The following DUSP5 variants were observed in gnomAD, a reference collection of about 807,000 sequenced individuals.
The protein encoded by DUSP5 is dual specificity protein phosphatase 5.
DUSP5 carries 22 observed loss-of-function variants against 33.6 expected under a neutral mutation model. The observed-to-expected ratio is 0.66, with a 90% CI of 0.47 to 0.94. The LOEUF (loss-of-function observed/expected upper bound fraction) is 0.94. DUSP5 is among the 40% of genes least tolerant of loss of function. The pLI, the probability that DUSP5 is intolerant of heterozygous loss-of-function variation, is 0.00. For synonymous variants in DUSP5, 270 were observed against 231.1 expected (o/e 1.17, Z -1.53); for missense variants, 551 against 522.1 (o/e 1.06, Z -0.54).
In DUSP5 at chr10:110,502,706, T is replaced by G; in HGVS notation, c.380-15T>G. The G allele has an allele frequency of 6.2e-7, 1 of 1,611,394 alleles. No individual in the cohort carries two copies. Among genetic ancestry groups the G allele is most frequent in the South Asian group, 1.1e-5 (1 of 90,860 alleles). Reference sequence around the variant, plus strand: ...ATGCTTACCATCTGTCTCACCTTTTTGTTTGTTTTTGTAGGGGGATATGAG... The same window carrying G: ...ATGCTTACCATCTGTCTCACCTTTTGGTTTGTTTTTGTAGGGGGATATGAG... On this transcript the variant is annotated splice_polypyrimidine_tract_variant and intron_variant, in intron 1 of 3. Transcript: ENST00000369583.
chr10:110,502,809 C>T lies in DUSP5; in HGVS notation c.468C>T (p.Ala156=), dbSNP rs201430285. The T allele has an allele frequency of 1.2e-6, 2 of 1,614,080 alleles. No individual in the cohort carries two copies. The highest frequency in any genetic ancestry group is 3.3e-5 in the Admixed American group (2 of 59,998). Residue 156 remains alanine, a synonymous_variant, in exon 2 of 4, where the codon GCC becomes GCT. Coordinates refer to ENST00000369583, the MANE Select transcript of DUSP5 (RefSeq NM_004419.4). ...AAGAGAAGATTGAGAGTGAGAGAGC[C>T]CTCATCAGCCAGTGTGGAAAACCAG... The part of the protein sequence containing the change: ...ISQEKIESER[A]LISQCGKPVV...
intron 1 of DUSP5, among the ~76,000 whole-genome samples, chr10:110,499,502 G>C (rs1860012249): frequency 6.7e-6 from 1 of 150,294 alleles, no homozygotes; most frequent in East Asian, 2.0e-4. Context: ...CGGACACCTT[G>C]GGATGTAACA....
chr10:110,502,723 G>T lies in DUSP5; in HGVS notation c.382G>T (p.Gly128Ter). The change falls in exon 2 of 4, where the codon GGA becomes TGA. Residue 128 changes from glycine to a stop codon, truncating the protein, a stop_gained and splice_region_variant. Coordinates refer to ENST00000369583, the MANE Select transcript of DUSP5 (RefSeq NM_004419.4). LOFTEE classifies it high-confidence loss of function. ...CACCTTTTTGTTTGTTTTTGTAGGG[G>T]GATATGAGACTTTCTACTCGGAATA... ...AGPRVYFLKG[G>*]YETFYSEYPE... 1.2e-6 allele frequency: 2 copies of T among 1,613,116 alleles called. No homozygotes were observed. Among genetic ancestry groups the T allele is most frequent in the Non-Finnish European group, 1.7e-6 (2 of 1,179,448 alleles).
chr10:110,504,645 C>T lies in DUSP5; in HGVS notation c.528+1776C>T, dbSNP rs118131452. On this transcript the variant is annotated intron_variant, in intron 2 of 3. Coordinates refer to ENST00000369583, the MANE Select transcript of DUSP5 (RefSeq NM_004419.4). The stretch of plus-strand genomic sequence containing the variant: ...CTTTCCAAAGAACTTTGTACCACCT[C>T]TGCTGTTTTCCTGGTTTCTAGCTGG... Among the ~76,000 whole-genome samples the T allele has an allele frequency of 4.5e-4, 68 of 152,324 alleles. No homozygotes were observed. In the East Asian group the frequency reaches 0.013, roughly 28 times the overall value.
chr10:110,509,712 A>T (rs944699677), intron 3 of DUSP5, among the ~76,000 whole-genome samples: 2 of 152,382 alleles, frequency 1.3e-5, no homozygotes, highest in African/African-American at 4.8e-5. Context: ...CTCCAGGTCC[A>T]TCGCCTCCAG....
Position 110,502,720 on chromosome 10 carries a change from GGGGGATA to G in DUSP5, c.380_386del (p.Gly127ValfsTer15). 6.2e-7 allele frequency: 1 copy of G among 1,612,234 alleles called. No homozygotes were observed. The highest frequency in any genetic ancestry group is 8.5e-7 in the Non-Finnish European group (1 of 1,178,972). ...TCTCACCTTTTTGTTTGTTTTTGTA[GGGGGATA>G]TGAGACTTTCTACTCGGAATATCCT... On this transcript the variant is annotated frameshift_variant and splice_region_variant, in exon 2 of 4. Transcript: ENST00000369583. LOFTEE classifies it high-confidence loss of function.
chr10:110,498,962 T>A (rs530344828), intron 1 of DUSP5, among the ~76,000 whole-genome samples: 3 of 152,278 alleles, frequency 2.0e-5, no homozygotes, highest in African/African-American at 7.2e-5. Context: ...CCAGCTGTGG[T>A]CTTCACCGAC....
chr10:110,501,024 C>T (rs192085850), intron 1 of DUSP5, among the ~76,000 whole-genome samples: 3 of 152,334 alleles, frequency 2.0e-5, no homozygotes, highest in Non-Finnish European at 4.4e-5. Flanking sequence ...CCCCAACCTT[C>T]GTCCTGAAGT....
intron 1 of DUSP5, among the ~76,000 whole-genome samples, chr10:110,500,353 G>A (rs1193561854): frequency 6.6e-6 from 1 of 152,218 alleles, no homozygotes; most frequent in Non-Finnish European, 1.5e-5. Flanking sequence ...CGTGTGCAGT[G>A]CCTTTCAGTA....
At chr10:110,509,474 C>T (rs1034986743) in intron 3 of DUSP5, among the ~76,000 whole-genome samples, 4 of 152,122 alleles carry the variant, frequency 2.6e-5, no homozygotes, top group South Asian at 2.1e-4. Flanking sequence ...ACAGGGTGCC[C>T]GGAGAGACCG....
Position 110,510,848 on chromosome 10 carries a change from C to T in DUSP5, c.*422C>T, listed in dbSNP as rs1860183231. The T allele has an allele frequency of 6.1e-6, 1 of 164,952 alleles. No individual in the cohort carries two copies. Among genetic ancestry groups the T allele is most frequent in the Non-Finnish European group, 1.3e-5 (1 of 76,328 alleles). 10.2% of individuals were successfully genotyped at this position (164,952 alleles called of 1,614,324 possible). Reference sequence around the variant, plus strand: ...CACAATTTCCACCTTATTTTTTGAACTTTGGCAGTTTCAATGTCTGTCTCT... The same window carrying T: ...CACAATTTCCACCTTATTTTTTGAATTTTGGCAGTTTCAATGTCTGTCTCT... On this transcript the variant is annotated 3_prime_UTR_variant, in exon 4 of 4. Coordinates refer to ENST00000369583, the MANE Select transcript of DUSP5 (RefSeq NM_004419.4).
chr10:110,499,295 CTT>C (rs1278280564), intron 1 of DUSP5, among the ~76,000 whole-genome samples: 2 of 152,190 alleles, frequency 1.3e-5, no homozygotes, highest in Non-Finnish European at 2.9e-5. Flanking sequence ...GGGAAGATAA[CTT>C]TGGCTTCTGG....
At chr10:110,507,903 A>C (rs1235390292) in intron 3 of DUSP5, among the ~76,000 whole-genome samples, 1 of 152,036 alleles carries the variant, frequency 6.6e-6, no homozygotes, top group Non-Finnish European at 1.5e-5. Flanking sequence ...GGCTGGCCTG[A>C]CTTTTTTCTG....
At chr10:110,502,327 C>T (rs547501521) in intron 1 of DUSP5, among the ~76,000 whole-genome samples, 1 of 152,194 alleles carries the variant, frequency 6.6e-6, no homozygotes, top group Non-Finnish European at 1.5e-5. Flanking sequence ...ACTTCAGGAG[C>T]CTGTCTTCTC....
chr10:110,502,905 G>C lies in DUSP5; in HGVS notation c.528+36G>C, dbSNP rs1282693195. 3 of 1,611,980 alleles carry C rather than the reference G, an allele frequency of 1.9e-6. No individual in the cohort carries two copies. In the African/African-American group the frequency reaches 4.0e-5, roughly 22 times the overall value. Reference sequence around the variant, plus strand: ...TGATGGGGAAGAGGTATCCTGAGTGGTATTCTGGGCTCCTGTCTCCCTTCC... The same window carrying C: ...TGATGGGGAAGAGGTATCCTGAGTGCTATTCTGGGCTCCTGTCTCCCTTCC... On this transcript the variant is annotated intron_variant, in intron 2 of 3. Coordinates refer to ENST00000369583, the MANE Select transcript of DUSP5 (RefSeq NM_004419.4).
chr10:110,500,479 A>C (rs1203581130), intron 1 of DUSP5, among the ~76,000 whole-genome samples: 1 of 152,184 alleles, frequency 6.6e-6, no homozygotes, highest in Non-Finnish European at 1.5e-5. Flanking sequence ...GAAAATTTTT[A>C]TTTCTTTACG....
chr10:110,498,914 T>G (rs1860001005), intron 1 of DUSP5, among the ~76,000 whole-genome samples: 2 of 152,086 alleles, frequency 1.3e-5, no homozygotes, highest in South Asian at 4.1e-4. Context: ...CACTCTCCCT[T>G]GGTGTGGCGC....
At position 110,502,776 on chromosome 10, in the gene DUSP5, C is replaced by G. The variant is rs765212767; in HGVS notation, c.435C>G (p.Pro145=). The G allele has an allele frequency of 1.9e-6, 3 of 1,613,998 alleles. No homozygotes were observed. Among genetic ancestry groups the G allele is most frequent in the East Asian group, 2.2e-5 (1 of 44,896 alleles). ...EYPECCVDVK[P]ISQEKIESER... is the part of the protein sequence containing the mutation. The stretch of plus-strand genomic sequence containing the variant: ...CTGAGTGTTGCGTGGATGTAAAACC[C>G]ATTTCACAAGAGAAGATTGAGAGTG... Residue 145 remains proline (P), a synonymous_variant, in exon 2 of 4, where the codon CCC becomes CCG. Transcript: ENST00000369583.
chr10:110,498,561 G>T (rs1859994325), intron 1 of DUSP5, 61 bp downstream of exon 1: 1 of 1,369,656 alleles, frequency 7.3e-7, no homozygotes, highest in Non-Finnish European at 9.4e-7. Context: ...CCCTCCCTGC[G>T]CCGGGGCGCC....
Sources: gnomAD v4.1 joint callset for allele counts (sites outside exome capture counted in the v4.1 genomes callset) on GRCh38, gnomAD v4.1.1 for gene constraint, MANE v1.5 for transcripts, NCBI Gene and HGNC (gene_info 2026-07-23, HGNC 2026-07-21) for gene names.